The following CDCA3 variants were observed in gnomAD, a reference collection of about 807,000 sequenced individuals.
CDCA3 encodes the protein cell division cycle associated 3.
A neutral mutation model predicts 29.1 loss-of-function variants in CDCA3; 16 were observed. The observed-to-expected ratio is 0.55, with a 90% CI of 0.37 to 0.83. The LOEUF is 0.83. Ranked by LOEUF, CDCA3 falls within the 40% of genes least tolerant of loss-of-function variation. The pLI is 0.00. For synonymous variants in CDCA3, 88 were observed against 124.5 expected (o/e 0.71, Z 1.95); for missense variants, 291 against 327.2 (o/e 0.89, Z 0.85).
chr12:6,846,308 T>C (rs1565521113), downstream of CDCA3: 1 of 168,442 alleles, frequency 5.9e-6, no homozygotes, highest in African/African-American at 2.4e-5. Flanking sequence ...CCTAATTCTG[T>C]TGCTCACTTT....
chr12:6,845,667 C>G, downstream of CDCA3: 1 of 1,614,048 alleles, frequency 6.2e-7, no homozygotes, highest in Non-Finnish European at 8.5e-7. Context: ...AGACCAGGAG[C>G]TGATCTGCTT....
downstream of CDCA3, chr12:6,846,701 C>CCCA (rs1565521462): frequency 2.9e-6 from 2 of 683,658 alleles, no homozygotes; most frequent in East Asian, 5.5e-5. Context: ...ACACACACAC[C>CCCA]CACACACCCA....
downstream of CDCA3, chr12:6,845,888 C>T: frequency 2.2e-6 from 2 of 906,774 alleles, no homozygotes; most frequent in Non-Finnish European, 3.6e-6. Flanking sequence ...CCATCAGCTC[C>T]CATTTCGGAC....
At chr12:6,851,150 AGC>A in intron 1 of CDCA3, 70 bp downstream of exon 1, 1 of 1,381,522 alleles carries the variant, frequency 7.2e-7, no homozygotes, top group South Asian at 1.7e-5. Flanking sequence ...TGACTGCTGC[AGC>A]TGACAAAATG....
At chr12:6,847,004 A>G (rs1555124912), downstream of CDCA3, 1 of 693,018 alleles carries the variant, frequency 1.4e-6, no homozygotes, top group Non-Finnish European at 2.6e-6. Context: ...TGCCATTCCC[A>G]CTAAGCTTTC....
At chr12:6,848,810 C>T (rs1943755409), downstream of CDCA3, 1 of 519,206 alleles carries the variant, frequency 1.9e-6, no homozygotes, top group East Asian at 3.3e-5. Context: ...ACAGAAAACT[C>T]GGTGCAAGGT....
At position 6,850,271 on chromosome 12, in the gene CDCA3, GC is replaced by G. The variant is rs140178036; in HGVS notation, c.250+195del. On this transcript the variant is annotated intron_variant, in intron 3 of 5. Transcript: ENST00000538862. This position sits in a 1 kb window ranked among gnomAD's most constrained non-coding sequence, Gnocchi z 4.7. The stretch of plus-strand genomic sequence containing the variant: ...GGGCTCAAGCGATCTGACCACCCCG[GC>G]CTTCCAACGTGCTGGGATTACAGGC... 2,786 of 680,144 alleles carry G rather than the reference GC, an allele frequency of 4.1e-3. 53 individuals carry two copies. In the African/African-American group the frequency reaches 0.043, roughly 11 times the overall value. The allele number at this position is 680,144 out of a possible 1,614,324, so 42.1% of individuals were successfully genotyped here.
chr12:6,848,874 A>T lies in CDCA3; in HGVS notation c.*169T>A. 1.7e-6 allele frequency: 1 copy of T among 586,744 alleles called. No homozygotes were observed. Among genetic ancestry groups the T allele is most frequent in the Non-Finnish European group, 3.0e-6 (1 of 330,016 alleles). The allele number at this position is 586,744 out of a possible 1,614,324, so 36.3% of individuals were successfully genotyped here. ...AAAATTACTTCCTTTAATATAAAAG[A>T]AACACACAAGACACAAAGAAAGCCC... On this transcript the variant is annotated 3_prime_UTR_variant, in exon 6 of 6. Coordinates refer to ENST00000538862, the MANE Select transcript of CDCA3 (RefSeq NM_031299.7).
rs782403560 is a variant in CDCA3 at position 6,850,184 on chromosome 12, G to A, written c.250+283C>T. On this transcript the variant is annotated intron_variant, in intron 3 of 5. Coordinates refer to ENST00000538862, the MANE Select transcript of CDCA3 (RefSeq NM_031299.7). The surrounding 1 kb of genome is among the most constrained non-coding windows in gnomAD (Gnocchi z 4.7). ...TTTTGTGTGTGTGTGTGTGTGTTAT[G>A]TGTGTGTATTTTTTCTAGAGATGGG... The A allele has an allele frequency of 6.9e-4, 344 of 498,778 alleles. 1 individual carries two copies. In the East Asian group the frequency reaches 9.9e-3, roughly 14 times the overall value. The allele number at this position is 498,778 out of a possible 1,614,324, so 30.9% of individuals were successfully genotyped here.
At chr12:6,845,355 G>A, downstream of CDCA3, 1 of 518,928 alleles carries the variant, frequency 1.9e-6, no homozygotes, top group Non-Finnish European at 3.5e-6. Flanking sequence ...ACGTGGAAAT[G>A]ATGCCTGCCT....
rs1555126085 is a variant in CDCA3 at position 6,850,373 on chromosome 12, C to T, written c.250+94G>A. The T allele has an allele frequency of 1.3e-6, 2 of 1,496,022 alleles. No homozygotes were observed. Among genetic ancestry groups the T allele is most frequent in the African/African-American group, 2.8e-5 (2 of 72,256 alleles). The allele number at this position is 1,496,022 out of a possible 1,614,324, so 92.7% of individuals were successfully genotyped here. ...TGGGTCCGAAGCAGGAGGATAGAGG[C>T]CCCTTTAAGGAACCCTGAGAGAATG... On this transcript the variant is annotated intron_variant, in intron 3 of 5. Transcript: ENST00000538862. This position sits in a 1 kb window ranked among gnomAD's most constrained non-coding sequence, Gnocchi z 4.7.
In CDCA3 at chr12:6,851,219, T is replaced by G; in HGVS notation, c.-58+3A>C. Reference sequence around the variant, plus strand: ...TATTTATTAAATTATTCAAATCACTTACCGGGCCCCAATTCCACCTCTGGA... The same window carrying G: ...TATTTATTAAATTATTCAAATCACTGACCGGGCCCCAATTCCACCTCTGGA... On this transcript the variant is annotated splice_donor_region_variant and intron_variant, in intron 1 of 5. Coordinates refer to ENST00000538862, the MANE Select transcript of CDCA3 (RefSeq NM_031299.7). The G allele has an allele frequency of 8.1e-7, 1 of 1,241,536 alleles. No homozygotes were observed. The highest frequency in any genetic ancestry group is 1.0e-6 in the Non-Finnish European group (1 of 988,450). 76.9% of individuals were successfully genotyped at this position (1,241,536 alleles called of 1,614,324 possible).
At position 6,849,946 on chromosome 12, in the gene CDCA3, C is replaced by T. The variant is rs1363498285; in HGVS notation, c.251-88G>A. 2.5e-6 allele frequency: 3 copies of T among 1,209,994 alleles called. No homozygotes were observed. The highest frequency in any genetic ancestry group is 3.4e-6 in the Non-Finnish European group (3 of 891,174). 75.0% of individuals were successfully genotyped at this position (1,209,994 alleles called of 1,614,324 possible). On this transcript the variant is annotated intron_variant, in intron 3 of 5. Coordinates refer to ENST00000538862, the MANE Select transcript of CDCA3 (RefSeq NM_031299.7). This position sits in a 1 kb window ranked among gnomAD's most constrained non-coding sequence, Gnocchi z 5.2. ...ACATACAGAAACCCAGGACTCATGCCCAGGAGGGTGAGCAAGTGGGAAGAG... is the reference window on the plus strand; with the variant it reads ...ACATACAGAAACCCAGGACTCATGCTCAGGAGGGTGAGCAAGTGGGAAGAG...
chr12:6,845,524 G>A, downstream of CDCA3: 1 of 1,140,350 alleles, frequency 8.8e-7, no homozygotes, highest in Non-Finnish European at 1.3e-6. Flanking sequence ...GAGGCAGAGG[G>A]CGGGAGAGGC....
In CDCA3 at chr12:6,850,173, G is replaced by A; in HGVS notation, c.250+294C>T. 1.9e-6 allele frequency: 1 copy of A among 524,520 alleles called. No individual in the cohort carries two copies. The highest frequency in any genetic ancestry group is 3.4e-6 in the Non-Finnish European group (1 of 292,624). The allele number at this position is 524,520 out of a possible 1,614,324, so 32.5% of individuals were successfully genotyped here. A position where few individuals can be genotyped will look rare whatever the true frequency, so the allele number is the denominator to read the frequency against. On this transcript the variant is annotated intron_variant, in intron 3 of 5. Transcript: ENST00000538862. This position sits in a 1 kb window ranked among gnomAD's most constrained non-coding sequence, Gnocchi z 4.7. ...TGCCACCGTGCTTTTGTGTGTGTGT[G>A]TGTGTGTTATGTGTGTGTATTTTTT...
chr12:6,850,295 G>C lies in CDCA3; in HGVS notation c.250+172C>G, dbSNP rs1279667461. 1 of 866,068 alleles carries C rather than the reference G, an allele frequency of 1.2e-6. No individual in the cohort carries two copies. Among genetic ancestry groups the C allele is most frequent in the Admixed American group, 2.4e-5 (1 of 42,050 alleles). 53.6% of individuals were successfully genotyped at this position (866,068 alleles called of 1,614,324 possible). Reference sequence around the variant, plus strand: ...GGCCTTCCAACGTGCTGGGATTACAGGCATGAGCCACCGCACCCAGGCTGG... The same window carrying C: ...GGCCTTCCAACGTGCTGGGATTACACGCATGAGCCACCGCACCCAGGCTGG... On this transcript the variant is annotated intron_variant, in intron 3 of 5. Transcript: ENST00000538862. This position sits in a 1 kb window ranked among gnomAD's most constrained non-coding sequence, Gnocchi z 4.7.
chr12:6,850,941 G>A lies in CDCA3; in HGVS notation c.12C>T (p.Ala4=), dbSNP rs781943412. The change falls in exon 2 of 6, where the codon GCC becomes GCT. Residue 4 remains alanine (A), a synonymous_variant. Coordinates refer to ENST00000538862, the MANE Select transcript of CDCA3 (RefSeq NM_031299.7). The surrounding 1 kb of genome is among the most constrained non-coding windows in gnomAD (Gnocchi z 4.7). The part of the protein sequence containing the change: MGS[A]KSVPVTPARP... ...GCGCTGGTGTGACTGGGACGCTCTT[G>A]GCTGAGCCCATCTCAACCAGGAGTT... 5 of 1,610,040 alleles carry A rather than the reference G, an allele frequency of 3.1e-6. No homozygotes were observed. In the African/African-American group the frequency reaches 6.7e-5, roughly 21 times the overall value.
Position 6,849,417 on chromosome 12 carries a change from T to G in CDCA3, c.557A>C (p.Asn186Thr). ...ETPRSSGSMR[N>T]RWKPNSSKVL... ...CTTGCTGCTGTTTGGTTTCCATCTA[T>G]TGCGCATAGAACCTGGGGTGGGTAA... The change falls in exon 5 of 6, where the codon AAT (asparagine) becomes ACT (threonine). Residue 186 changes from asparagine to threonine, a missense_variant. Asn to Thr is a moderately conservative substitution (Grantham distance 65). Coordinates refer to ENST00000538862, the MANE Select transcript of CDCA3 (RefSeq NM_031299.7). The surrounding 1 kb of genome is among the most constrained non-coding windows in gnomAD (Gnocchi z 5.2). The G allele has an allele frequency of 1.9e-6, 3 of 1,594,058 alleles. No individual in the cohort carries two copies. The highest frequency in any genetic ancestry group is 2.6e-6 in the Non-Finnish European group (3 of 1,170,178).
At chr12:6,848,550 T>G (rs1943750325), downstream of CDCA3, 1 of 153,002 alleles carries the variant, frequency 6.5e-6, no homozygotes, top group African/African-American at 2.4e-5. Flanking sequence ...ATAAATTCAG[T>G]TTTAGACAAA....
Sources: allele counts gnomAD v4.1 joint callset, GRCh38; gene constraint gnomAD v4.1.1; non-coding constraint Gnocchi (gnomAD v3.1); transcripts MANE v1.5; gene names NCBI Gene and HGNC (gene_info 2026-07-23, HGNC 2026-07-21).